The following DTL variants were observed in gnomAD, a reference collection of about 807,000 sequenced individuals.
The protein encoded by DTL is denticleless E3 ubiquitin protein ligase adapter.
Under a neutral mutation model 87.0 loss-of-function variants are expected in DTL, and 46 were observed. That is an observed-to-expected ratio of 0.53 (90% CI 0.42 to 0.68). The LOEUF (loss-of-function observed/expected upper bound fraction) is 0.68. Among genes scored for constraint, DTL ranks in the 30% least tolerant of loss-of-function variants. The probability of loss-of-function intolerance (pLI) is 0.00; values close to 1 mark genes in which losing one functional copy is unlikely to be tolerated. For synonymous variants in DTL, 308 were observed against 311.2 expected, an observed-to-expected ratio of 0.99 and a Z score of 0.11; for missense variants, 737 against 869.4, an observed-to-expected ratio of 0.85 and a Z score of 1.91.
At chr1:212,062,120 T>C (rs1328793482) in intron 5 of DTL, among the ~76,000 whole-genome samples, 4 of 152,214 alleles carry the variant, frequency 2.6e-5, no homozygotes, top group Non-Finnish European at 5.9e-5. Flanking sequence ...CATAAATATG[T>C]AAAATACTAT....
At chr1:212,086,619 C>T (rs1291150746) in intron 13 of DTL, among the ~76,000 whole-genome samples, 1 of 151,876 alleles carries the variant, frequency 6.6e-6, no homozygotes, top group East Asian at 1.9e-4. Flanking sequence ...CAACTATGAG[C>T]TCAAGCAATC....
intron 12 of DTL, among the ~76,000 whole-genome samples, chr1:212,080,161 C>T (rs1319092128): frequency 6.6e-6 from 1 of 152,144 alleles, no homozygotes; most frequent in Non-Finnish European, 1.5e-5. Flanking sequence ...GAGTCATGGG[C>T]CAAGTCTGAT....
rs142909989 is a variant in DTL at position 212,053,981 on chromosome 1, T to A, written c.460+6564T>A. 1.4e-4 allele frequency among the ~76,000 whole-genome samples: 22 copies of A among 152,238 alleles called. No homozygotes were observed. The East Asian group carries it at 3.9e-3, about 27-fold the overall frequency. On this transcript the variant is annotated intron_variant, in intron 5 of 14. Coordinates refer to ENST00000366991, the MANE Select transcript of DTL (RefSeq NM_016448.4). ...AAGATTATATTCAGGACATTGCGAG[T>A]GGTATGTTGGATTCTAGATTCTGTT...
chr1:212,091,873 A>G (rs541355014), intron 13 of DTL, among the ~76,000 whole-genome samples: 3 of 152,392 alleles, frequency 2.0e-5, no homozygotes, highest in East Asian at 3.9e-4. Flanking sequence ...GTATGCATGT[A>G]TCAAAACATC....
chr1:212,088,310 A>C (rs1558088480), intron 13 of DTL, among the ~76,000 whole-genome samples: 1 of 152,214 alleles, frequency 6.6e-6, no homozygotes, highest in Non-Finnish European at 1.5e-5. Context: ...TGATCCCTAG[A>C]ACCTCACCTG....
At chr1:212,096,105 A>T (rs1007007428) in intron 13 of DTL, among the ~76,000 whole-genome samples, 1 of 151,594 alleles carries the variant, frequency 6.6e-6, no homozygotes, top group Non-Finnish European at 1.5e-5. Flanking sequence ...AGGAGGTTGT[A>T]TATTTCCAGG....
chr1:212,043,475 C>T (rs1401868526), intron 2 of DTL, among the ~76,000 whole-genome samples: 2 of 152,074 alleles, frequency 1.3e-5, no homozygotes, highest in East Asian at 3.8e-4. Flanking sequence ...AATATATGAA[C>T]AGAAATAGAA....
chr1:212,072,316 A>C (rs1420973355), intron 11 of DTL, 103 bp downstream of exon 11: 4 of 836,282 alleles, frequency 4.8e-6, no homozygotes, highest in Non-Finnish European at 7.8e-6. Context: ...GTGCTATACT[A>C]TTCCTGCATC....
intron 11 of DTL, chr1:212,077,503 T>A (rs2102563466): frequency 6.5e-6 from 1 of 152,702 alleles, no homozygotes; most frequent in Admixed American, 6.5e-5. Context: ...AAAATGTTTT[T>A]CAGAAAGGAT....
chr1:212,054,198 G>T (rs1387110531), intron 5 of DTL, among the ~76,000 whole-genome samples: 5 of 152,092 alleles, frequency 3.3e-5, no homozygotes, highest in Admixed American at 2.0e-4. Context: ...CAGAGACTTG[G>T]ACTGAGTTTA....
intron 1 of DTL, among the ~76,000 whole-genome samples, chr1:212,042,125 A>AT (rs1667670807): frequency 1.3e-5 from 2 of 152,326 alleles, no homozygotes; most frequent in Admixed American, 1.3e-4. Flanking sequence ...CTTATTGAAC[A>AT]TTTGGTTTTC....
At chr1:212,077,296 G>A (rs1654859011) in intron 11 of DTL, among the ~76,000 whole-genome samples, 1 of 152,166 alleles carries the variant, frequency 6.6e-6, no homozygotes, top group Middle Eastern at 3.2e-3. Context: ...TCTTGAATGA[G>A]TCAGCTGTAT....
At position 212,038,261 on chromosome 1, in the gene DTL, A is replaced by G. The variant is rs552552738; in HGVS notation, c.52+2319A>G. Among the ~76,000 whole-genome samples the G allele has an allele frequency of 1.1e-4, 16 of 152,372 alleles. No homozygotes were observed. The South Asian group carries it at 2.7e-3, about 26-fold the overall frequency. On this transcript the variant is annotated intron_variant, in intron 1 of 14. Coordinates refer to ENST00000366991, the MANE Select transcript of DTL (RefSeq NM_016448.4). ...TTGATTTTTTCCTCATGAACAGTAT[A>G]ACGAAATGACATTGTACAAAATTAT...
chr1:212,092,790 G>T (rs1259826167), intron 13 of DTL, among the ~76,000 whole-genome samples: 1 of 152,084 alleles, frequency 6.6e-6, no homozygotes. Context: ...CCCAGTAGTG[G>T]GATTGCTGGA....
In DTL at chr1:212,094,927, T is replaced by G. The variant is rs533696591; in HGVS notation, c.1262-5325T>G. Among the ~76,000 whole-genome samples the G allele has an allele frequency of 7.2e-5, 11 of 152,330 alleles. No homozygotes were observed. In the South Asian group the frequency reaches 2.3e-3, roughly 32 times the overall value. The stretch of plus-strand genomic sequence containing the variant: ...GCTGTATAGCAGTACTACTGATTTA[T>G]GTACATTGATTTTGTATCCTGAAAC... On this transcript the variant is annotated intron_variant, in intron 13 of 14. Coordinates refer to ENST00000366991, the MANE Select transcript of DTL (RefSeq NM_016448.4).
chr1:212,067,626 ATC>A (rs1046662727), intron 8 of DTL, among the ~76,000 whole-genome samples: 1 of 152,230 alleles, frequency 6.6e-6, no homozygotes, highest in African/African-American at 2.4e-5. Context: ...ATGAAGGATT[ATC>A]TAAAGGTTAT....
At chr1:212,080,541 GAC>G (rs1163486968) in intron 12 of DTL, 72 bp from the exon 13 acceptor site, 10 of 1,461,368 alleles carry the variant, frequency 6.8e-6, no homozygotes, top group Non-Finnish European at 8.5e-6. Flanking sequence ...AAGGCCTTAA[GAC>G]ACACCTGTTT....
chr1:212,045,915 GT>G (rs1203746759), intron 3 of DTL, among the ~76,000 whole-genome samples: 1 of 144,454 alleles, frequency 6.9e-6, no homozygotes, highest in African/African-American at 2.5e-5. Flanking sequence ...AGTTCTTTTT[GT>G]TTTTGGTTTT....
At chr1:212,055,383 G>C (rs1668138238) in intron 5 of DTL, among the ~76,000 whole-genome samples, 1 of 152,108 alleles carries the variant, frequency 6.6e-6, no homozygotes, top group Admixed American at 6.5e-5. Context: ...GCTCCAGAGA[G>C]ATATCATACT....
Sources: allele counts gnomAD v4.1 joint callset (sites outside exome capture counted in the v4.1 genomes callset), GRCh38; gene constraint gnomAD v4.1.1; transcripts MANE v1.5; gene names NCBI Gene and HGNC (gene_info 2026-07-23, HGNC 2026-07-21).